CFAP92: variants seen among roughly 807,000 people sequenced by gnomAD.
The protein encoded by CFAP92 is uncharacterized protein CFAP92.
In CFAP92, 86 loss-of-function variants were observed where a neutral mutation model predicts 106.3. The observed-to-expected ratio is 0.81, with a 90% confidence interval of 0.68 to 0.97. CFAP92 has a LOEUF of 0.97. Among genes scored for constraint, CFAP92 ranks in the 50% least tolerant of loss-of-function variants. The probability of loss-of-function intolerance (pLI) is 0.00; values close to 1 mark genes in which losing one functional copy is unlikely to be tolerated. For missense variants in CFAP92, 1,204 were observed against 1,283.8 expected, an observed-to-expected ratio of 0.94 and a Z score of 0.95; for synonymous variants, 477 against 506.4, an observed-to-expected ratio of 0.94 and a Z score of 0.78.
the CFAP92 span, among the ~76,000 whole-genome samples, chr3:129,022,228 G>A: frequency 3.9e-5 from 6 of 152,194 alleles, no homozygotes; most frequent in Admixed American, 6.5e-5. Flanking sequence ...TCATAGGACC[G>A]CCAGGCCCAG....
At chr3:129,008,814 G>A in the CFAP92 span, among the ~76,000 whole-genome samples, 2 of 152,150 alleles carry the variant, frequency 1.3e-5, no homozygotes, top group Non-Finnish European at 2.9e-5. Flanking sequence ...GCCTGCTGAG[G>A]TGCACAGTCC....
the CFAP92 span, among the ~76,000 whole-genome samples, chr3:129,022,516 G>T: frequency 6.6e-6 from 1 of 152,214 alleles, no homozygotes; most frequent in Non-Finnish European, 1.5e-5. Context: ...AAGCCCCTGG[G>T]CTGGCGGCCA....
At chr3:128,977,943 G>C in intron 5 of CFAP92, 102 bp downstream of exon 5, 1 of 1,472,612 alleles carries the variant, frequency 6.8e-7, no homozygotes, top group Non-Finnish European at 9.3e-7. Flanking sequence ...CCAATACACA[G>C]GAGGGACGCC....
At chr3:128,935,581 A>C (rs908568995) in intron 10 of CFAP92, among the ~76,000 whole-genome samples, 1 of 152,214 alleles carries the variant, frequency 6.6e-6, no homozygotes, top group African/African-American at 2.4e-5. Flanking sequence ...GCGTGGTGGC[A>C]CATGTCTGTA....
chr3:128,912,635 C>T (rs376030326), intron 15 of CFAP92: 4 of 1,571,870 alleles, frequency 2.5e-6, no homozygotes, highest in Non-Finnish European at 3.5e-6. Context: ...CCTGCTACCG[C>T]CCGCCCCTAC....
upstream of CFAP92, among the ~76,000 whole-genome samples, chr3:128,996,179 T>A (rs547834051): frequency 1.2e-3 from 182 of 152,268 alleles, no homozygotes; most frequent in Non-Finnish European, 2.1e-3. Flanking sequence ...TCCCAGCCAA[T>A]TGCAGCCTCA....
At chr3:128,924,044 C>T (rs1233132001) in intron 12 of CFAP92, among the ~76,000 whole-genome samples, 1 of 152,116 alleles carries the variant, frequency 6.6e-6, no homozygotes, top group Non-Finnish European at 1.5e-5. Context: ...ATGCGGAAGC[C>T]ACCTCGGGAG....
At chr3:129,004,052 C>A, upstream of CFAP92, 1 of 1,511,226 alleles carries the variant, frequency 6.6e-7, no homozygotes, top group Non-Finnish European at 8.8e-7. Flanking sequence ...GGTGCGGCGG[C>A]TGGAGGCGGA....
chr3:128,999,794 C>T (rs555244460), intron 1 of CFAP92, among the ~76,000 whole-genome samples: 4 of 152,194 alleles, frequency 2.6e-5, no homozygotes, highest in African/African-American at 4.8e-5. Context: ...CCACCCGCCT[C>T]GGCCTCCCAA....
chr3:128,912,574 T>C lies in CFAP92; in HGVS notation c.3281-2241A>G, dbSNP rs746501777. 1.9e-6 allele frequency: 3 copies of C among 1,614,052 alleles called. No homozygotes were observed. The highest frequency in any genetic ancestry group is 2.7e-5 in the African/African-American group (2 of 74,900). On this transcript the variant is annotated intron_variant, in intron 15 of 15. Transcript: ENST00000645291. ...AGCAGATCCTTGAGAAGCGAGCCTA[T>C]ATCTGTGCCCACCCTCTGGACAGGA...
At chr3:128,964,534 T>C (rs1036820985) in intron 9 of CFAP92, among the ~76,000 whole-genome samples, 8 of 152,186 alleles carry the variant, frequency 5.3e-5, no homozygotes, top group African/African-American at 1.4e-4. Flanking sequence ...ATCCCCAAAC[T>C]GCCACTCTAA....
chr3:128,946,176 G>A (rs115022254), intron 9 of CFAP92, among the ~76,000 whole-genome samples: 2,779 of 152,214 alleles, frequency 0.018, 94 homozygotes, highest in African/African-American at 0.063. Context: ...GAACGCACCA[G>A]GATGGCGACT....
At position 128,945,803 on chromosome 3, in the gene CFAP92, A is replaced by G. The variant is rs1221359526; in HGVS notation, c.1526T>C (p.Val509Ala). 1 of 1,525,624 alleles carries G rather than the reference A, an allele frequency of 6.6e-7. No homozygotes were observed. Among genetic ancestry groups the G allele is most frequent in the Non-Finnish European group, 8.8e-7 (1 of 1,141,866 alleles). 94.5% of individuals were successfully genotyped at this position (1,525,624 alleles called of 1,614,324 possible). ...CTTGCGGTCCCGGTCGTGAACTTCC[A>G]CCACCATGGGGGGGCCCTCCAGGTA... Reference protein sequence around the residue: ...REYLEGPPMVVEVHDRDRKSE... With the variant: ...REYLEGPPMVAEVHDRDRKSE... The change falls in exon 10 of 16, where the codon GTG (valine) becomes GCG (alanine). Residue 509 changes from valine (V) to alanine (A), a missense_variant. Physicochemically the swap from Val to Ala is moderately conservative, Grantham distance 64. Transcript: ENST00000645291.
At chr3:128,948,397 T>C in intron 9 of CFAP92, among the ~76,000 whole-genome samples, 1 of 125,346 alleles carries the variant, frequency 8.0e-6, no homozygotes. Context: ...TTTTTTTTTT[T>C]TTTTTTTGTA....
chr3:128,925,125 A>G (rs1937563821), intron 12 of CFAP92, among the ~76,000 whole-genome samples: 1 of 152,164 alleles, frequency 6.6e-6, no homozygotes, highest in Non-Finnish European at 1.5e-5. Context: ...AGCAGTTTCC[A>G]ACCTTTTTGG....
At chr3:128,994,226 A>G (rs1038943047), upstream of CFAP92, 7 of 819,136 alleles carry the variant, frequency 8.5e-6, no homozygotes, top group African/African-American at 1.3e-4. Context: ...CAGTTTGTCA[A>G]ATGGCTACAT....
chr3:128,943,637 G>A (rs112859275), intron 10 of CFAP92, among the ~76,000 whole-genome samples: 5 of 152,118 alleles, frequency 3.3e-5, no homozygotes, highest in African/African-American at 1.2e-4. Flanking sequence ...CAGGGTTCAA[G>A]GAATTCTCCT....
chr3:128,986,189 C>T (rs1943845139), intron 4 of CFAP92, among the ~76,000 whole-genome samples: 2 of 151,444 alleles, frequency 1.3e-5, no homozygotes, highest in South Asian at 4.2e-4. Flanking sequence ...AAGGTGCTGA[C>T]AACGATAATA....
At chr3:129,003,927 GC>G, upstream of CFAP92, 1 of 1,374,732 alleles carries the variant, frequency 7.3e-7, no homozygotes, top group Admixed American at 3.3e-5. Flanking sequence ...CTGCGCCGTG[GC>G]CAGGCCGAGG....
Sources: gnomAD v4.1 joint callset for allele counts (sites outside exome capture counted in the v4.1 genomes callset) on GRCh38, gnomAD v4.1.1 for gene constraint, MANE v1.5 for transcripts, NCBI Gene and HGNC (gene_info 2026-07-23, HGNC 2026-07-21) for gene names.